ANK2: variants seen among roughly 807,000 people sequenced by gnomAD.
The protein encoded by ANK2 is ankyrin 2.
In ANK2, 83 loss-of-function variants were observed where a neutral mutation model predicts 360.5. The ratio of observed to expected loss-of-function variants is 0.23; its 90% CI spans 0.19 to 0.28. The LOEUF (loss-of-function observed/expected upper bound fraction) is 0.28. Among genes scored for constraint, ANK2 ranks in the 10% least tolerant of loss-of-function variants. The pLI is 1.00. For missense variants in ANK2, 4,201 were observed against 4,795.7 expected (o/e 0.88, Z 3.66); for synonymous variants, 1,740 against 1,759.5 (o/e 0.99, Z 0.28).
intron 45 of ANK2, among the ~76,000 whole-genome samples, chr4:113,375,692 T>G (rs1194660276): frequency 1.4e-5 from 2 of 146,038 alleles, no homozygotes; most frequent in Admixed American, 6.9e-5. Context: ...ACCACTGCCC[T>G]CCAGCCTGGG....
intron 1 of ANK2, among the ~76,000 whole-genome samples, chr4:112,895,662 A>G (rs1012820296): frequency 6.6e-6 from 1 of 152,152 alleles, no homozygotes; most frequent in African/African-American, 2.4e-5. Flanking sequence ...GAGTGATACA[A>G]TCATGCCAAG....
At chr4:113,144,884 A>G (rs983842058) in intron 1 of ANK2, among the ~76,000 whole-genome samples, 7 of 150,204 alleles carry the variant, frequency 4.7e-5, no homozygotes, top group Non-Finnish European at 8.9e-5. Context: ...AGCTTAATCC[A>G]TATTAGTCCC....
At chr4:113,008,110 T>G (rs1288588194) in intron 2 of ANK2, among the ~76,000 whole-genome samples, 1 of 16,956 alleles carries the variant, frequency 5.9e-5, no homozygotes, top group Non-Finnish European at 1.7e-4. Flanking sequence ...AAGCTTTTCC[T>G]TTTTTTTTTT....
At chr4:113,249,432 G>A (rs1299241568) in intron 9 of ANK2, among the ~76,000 whole-genome samples, 2 of 152,164 alleles carry the variant, frequency 1.3e-5, no homozygotes, top group Non-Finnish European at 2.9e-5. Context: ...GCCACATACT[G>A]TGCTTTCCCA....
chr4:113,341,531 A>T (rs573116359), intron 32 of ANK2, among the ~76,000 whole-genome samples, 157 bp from the exon 33 acceptor site: 2 of 151,248 alleles, frequency 1.3e-5, no homozygotes, highest in Non-Finnish European at 3.0e-5. Flanking sequence ...CTGTCTTGCT[A>T]TTTCTTTCCT....
intron 1 of ANK2, among the ~76,000 whole-genome samples, chr4:113,155,833 T>C (rs963900498): frequency 6.6e-6 from 1 of 152,118 alleles, no homozygotes; most frequent in African/African-American, 2.4e-5. Context: ...AAAGAACAAA[T>C]GTGGTAGACA....
rs765716884 is a variant in ANK2, at chr4:113,369,843, C to T, written c.11610+38C>T. On this transcript the variant is annotated intron_variant, in intron 43 of 45. Transcript: ENST00000357077. ...TCTCCACTTTCTCGCCCACCTGTAA[C>T]AAAGCTACAAATCTTCCAGTTTCCA... is the stretch of plus-strand genomic sequence containing the variant. The T allele has an allele frequency of 3.7e-6, 6 of 1,612,812 alleles. No homozygotes were observed. The East Asian group carries it at 1.3e-4, about 36-fold the overall frequency.
intron 1 of ANK2, among the ~76,000 whole-genome samples, chr4:113,056,747 G>A (rs1439501738): frequency 6.6e-6 from 1 of 152,106 alleles, no homozygotes; most frequent in East Asian, 1.9e-4. Context: ...CCCGTAGGGA[G>A]GGTCATTTTT....
chr4:113,305,298 C>T (rs1324721079), intron 23 of ANK2, among the ~76,000 whole-genome samples: 1 of 138,702 alleles, frequency 7.2e-6, no homozygotes, highest in African/African-American at 2.7e-5. Context: ...CGAGATCCCG[C>T]CACTGCACTC....
intron 1 of ANK2, among the ~76,000 whole-genome samples, chr4:113,160,793 T>C (rs2097507278): frequency 6.6e-6 from 1 of 152,180 alleles, no homozygotes; most frequent in Non-Finnish European, 1.5e-5. Flanking sequence ...TCTAGCACAG[T>C]GCTATGCTTC....
chr4:113,202,775 AG>A (rs1253504832), intron 4 of ANK2, among the ~76,000 whole-genome samples: 3 of 152,382 alleles, frequency 2.0e-5, no homozygotes, highest in Admixed American at 2.0e-4. Flanking sequence ...CACATGATAC[AG>A]TACCAATTTT....
chr4:113,112,349 C>T (rs1218161153), intron 1 of ANK2, among the ~76,000 whole-genome samples: 1 of 152,166 alleles, frequency 6.6e-6, no homozygotes, highest in Non-Finnish European at 1.5e-5. Context: ...ACTCCACAAG[C>T]TGGGCTGTTG....
At chr4:113,267,936 T>C (rs1324816295) in intron 14 of ANK2, among the ~76,000 whole-genome samples, 1 of 152,208 alleles carries the variant, frequency 6.6e-6, no homozygotes, top group African/African-American at 2.4e-5. Flanking sequence ...TGAGCAGTGG[T>C]CTGTAGTTAT....
the ANK2 span, among the ~76,000 whole-genome samples, chr4:112,728,701 T>G: frequency 6.6e-6 from 1 of 152,092 alleles, no homozygotes; most frequent in Non-Finnish European, 1.5e-5. Context: ...TGCAGTCAGC[T>G]GGACTCCAGC....
chr4:113,186,756 T>A (rs1419533041), intron 2 of ANK2, among the ~76,000 whole-genome samples: 1 of 152,156 alleles, frequency 6.6e-6, no homozygotes, highest in Non-Finnish European at 1.5e-5. Context: ...TTCTTCAAAT[T>A]GGGAATTCTC....
intron 10 of ANK2, among the ~76,000 whole-genome samples, chr4:113,253,186 T>C (rs1014493105): frequency 6.6e-6 from 1 of 152,178 alleles, no homozygotes; most frequent in Non-Finnish European, 1.5e-5. Context: ...CAAAACACTT[T>C]CTTTATTTAC....
chr4:113,289,491 G>GC (rs1339447909), intron 20 of ANK2, among the ~76,000 whole-genome samples: 5 of 152,146 alleles, frequency 3.3e-5, no homozygotes, highest in South Asian at 2.1e-4. Context: ...GATTACAAGT[G>GC]TGAGCCACCA....
intron 9 of ANK2, among the ~76,000 whole-genome samples, chr4:113,245,970 A>G (rs1185500221): frequency 1.3e-5 from 2 of 152,056 alleles, no homozygotes; most frequent in Non-Finnish European, 2.9e-5. Context: ...TTAATTTTGT[A>G]TTTTTAATAG....
At chr4:113,202,930 G>A (rs956558287) in intron 4 of ANK2, among the ~76,000 whole-genome samples, 36 of 152,080 alleles carry the variant, frequency 2.4e-4, no homozygotes, top group African/African-American at 8.5e-4. Flanking sequence ...GTATCAGTGT[G>A]GTCTCTGCTG....
Sources: allele counts gnomAD v4.1 joint callset (sites outside exome capture counted in the v4.1 genomes callset), GRCh38; gene constraint gnomAD v4.1.1; transcripts MANE v1.5; gene names NCBI Gene and HGNC (gene_info 2026-07-23, HGNC 2026-07-21).